RPGRIP1L: variants seen among roughly 807,000 people sequenced by gnomAD.
RPGRIP1L encodes protein fantom.
In RPGRIP1L, 131 loss-of-function variants were observed where a neutral mutation model predicts 160.4. The observed-to-expected ratio is 0.82, with a 90% confidence interval of 0.71 to 0.94. The LOEUF (loss-of-function observed/expected upper bound fraction) is 0.94, where lower values mean the gene tolerates loss of function less well. Ranked by LOEUF, RPGRIP1L falls within the 40% of genes least tolerant of loss-of-function variation. RPGRIP1L has a pLI of 0.00. For synonymous variants in RPGRIP1L, 510 were observed against 515.8 expected, an observed-to-expected ratio of 0.99 and a Z score of 0.15; for missense variants, 1,522 against 1,535.8, an observed-to-expected ratio of 0.99 and a Z score of 0.15.
intron 2 of RPGRIP1L, among the ~76,000 whole-genome samples, chr16:53,700,082 C>T (rs2053744814): frequency 6.6e-6 from 1 of 152,176 alleles, no homozygotes; most frequent in Admixed American, 6.5e-5. Flanking sequence ...ATAAACACAG[C>T]TCTCTGTTCT....
chr16:53,677,107 T>C (rs1969243241), intron 6 of RPGRIP1L, among the ~76,000 whole-genome samples: 1 of 152,204 alleles, frequency 6.6e-6, no homozygotes, highest in Non-Finnish European at 1.5e-5. Flanking sequence ...TCAAAAACTT[T>C]CAGTGGTTTA....
At chr16:53,685,210 T>C (rs919689869) in intron 6 of RPGRIP1L, among the ~76,000 whole-genome samples, 1 of 151,930 alleles carries the variant, frequency 6.6e-6, no homozygotes, top group Non-Finnish European at 1.5e-5. Flanking sequence ...AAACAACAGA[T>C]GTTGGTAAGG....
At chr16:53,629,534 C>T (rs574096588) in intron 22 of RPGRIP1L, among the ~76,000 whole-genome samples, 2 of 152,318 alleles carry the variant, frequency 1.3e-5, no homozygotes, top group South Asian at 4.1e-4. Context: ...AGACTTCTAA[C>T]ATCTTTATAG....
At chr16:53,615,130 A>G (rs1482835233) in intron 24 of RPGRIP1L, among the ~76,000 whole-genome samples, 1 of 152,172 alleles carries the variant, frequency 6.6e-6, no homozygotes, top group Non-Finnish European at 1.5e-5. Context: ...CATCTTTTGA[A>G]TTAAACTTCA....
intron 22 of RPGRIP1L, among the ~76,000 whole-genome samples, chr16:53,629,604 C>A (rs912081177): frequency 6.6e-6 from 1 of 152,192 alleles, no homozygotes; most frequent in Admixed American, 6.5e-5. Context: ...CATTTTAGTA[C>A]AGAATTAGCT....
chr16:53,661,583 T>C (rs951374616), intron 10 of RPGRIP1L, among the ~76,000 whole-genome samples: 2 of 152,136 alleles, frequency 1.3e-5, no homozygotes, highest in Non-Finnish European at 2.9e-5. Context: ...CTCTGGCCAG[T>C]AAAACATTTT....
At chr16:53,701,339 TTG>T (rs761211348) in intron 1 of RPGRIP1L, among the ~76,000 whole-genome samples, 2 of 151,834 alleles carry the variant, frequency 1.3e-5, no homozygotes, top group South Asian at 2.1e-4. Flanking sequence ...CCAACTGGGT[TTG>T]TGTTTTTTTG....
chr16:53,605,445 TTG>T, intron 26 of RPGRIP1L, 34 bp downstream of exon 26: 1 of 1,613,094 alleles, frequency 6.2e-7, no homozygotes, highest in South Asian at 1.1e-5. Context: ...TCAGCAATTG[TTG>T]GTTGCACAAA....
In RPGRIP1L at chr16:53,664,578, T is replaced by TA. The variant is rs571645165; in HGVS notation, c.1243+291dup. ...CTAGCACTAACTGGTGCTCAATAAA[T>TA]ACTTCTCAACTGTTGAGTAAAGAAA... is the stretch of plus-strand genomic sequence containing the variant. On this transcript the variant is annotated intron_variant, in intron 10 of 26. Transcript: ENST00000647211. 3.0e-3 allele frequency among the ~76,000 whole-genome samples: 460 copies of TA among 152,160 alleles called. 4 individuals carry two copies. The highest frequency in any genetic ancestry group is 5.3e-3 in the Non-Finnish European group (360 of 68,020).
At chr16:53,618,339 CAATA>C (rs1332372369) in intron 24 of RPGRIP1L, among the ~76,000 whole-genome samples, 17 of 152,026 alleles carry the variant, frequency 1.1e-4, no homozygotes, top group Non-Finnish European at 2.1e-4. Flanking sequence ...GAAAGGTAGA[CAATA>C]AATAGAACAT....
chr16:53,661,534 A>G (rs1967800929), intron 10 of RPGRIP1L, among the ~76,000 whole-genome samples: 1 of 152,200 alleles, frequency 6.6e-6, no homozygotes, highest in Non-Finnish European at 1.5e-5. Flanking sequence ...AGTCCGAAGT[A>G]TGTAAAAACA....
In RPGRIP1L at chr16:53,636,199, G is replaced by A. The variant is rs112646926; in HGVS notation, c.3294+240C>T. Among the ~76,000 whole-genome samples, 27 of 152,192 alleles carry A rather than the reference G, an allele frequency of 1.8e-4. 2 individuals carry two copies. Among genetic ancestry groups the A allele is most frequent in the Admixed American group, 5.2e-4 (8 of 15,266 alleles). ...CTAGTTTCAGCAAGTAGCTATTGGAGGTACAGATTTAAGGTACTCTTTGTG... is the reference window on the plus strand; with the variant it reads ...CTAGTTTCAGCAAGTAGCTATTGGAAGTACAGATTTAAGGTACTCTTTGTG... On this transcript the variant is annotated intron_variant, in intron 22 of 26. Transcript: ENST00000647211.
intron 23 of RPGRIP1L, 97 bp from the exon 24 acceptor site, chr16:53,619,305 GA>G: frequency 9.3e-7 from 1 of 1,069,572 alleles, no homozygotes; most frequent in East Asian, 2.4e-5. Flanking sequence ...AATAAAACAC[GA>G]AGGCCAATGG....
At chr16:53,679,202 C>G (rs1242012444) in intron 6 of RPGRIP1L, among the ~76,000 whole-genome samples, 1 of 152,108 alleles carries the variant, frequency 6.6e-6, no homozygotes, top group Non-Finnish European at 1.5e-5. Flanking sequence ...CTTACTCTTA[C>G]CACCCACAGG....
chr16:53,668,466 C>G (rs1399278854), intron 9 of RPGRIP1L, among the ~76,000 whole-genome samples: 1 of 152,134 alleles, frequency 6.6e-6, no homozygotes, highest in Non-Finnish European at 1.5e-5. Context: ...AAATCACATT[C>G]AACAGATTTT....
At chr16:53,652,480 G>T in intron 15 of RPGRIP1L, 55 bp downstream of exon 15, 2 of 1,355,412 alleles carry the variant, frequency 1.5e-6, no homozygotes, top group South Asian at 1.2e-5. Flanking sequence ...GTACCATAAC[G>T]ATATATAAAC....
At chr16:53,698,032 G>A (rs1437902642) in intron 2 of RPGRIP1L, among the ~76,000 whole-genome samples, 7 of 151,978 alleles carry the variant, frequency 4.6e-5, no homozygotes, top group Non-Finnish European at 1.5e-5. Context: ...TGGGATGTGA[G>A]GAGTGCCTCT....
At chr16:53,703,054 A>T (rs1971600420) in intron 1 of RPGRIP1L, among the ~76,000 whole-genome samples, 1 of 152,174 alleles carries the variant, frequency 6.6e-6, no homozygotes, top group Admixed American at 6.5e-5. Flanking sequence ...GGCTGACTTC[A>T]GGCCAGGAGT....
rs1386379369 is a variant in RPGRIP1L at position 53,636,502 on chromosome 16, G to C, written c.3231C>G (p.Asp1077Glu). The C allele has an allele frequency of 2.5e-6, 4 of 1,609,136 alleles. No individual in the cohort carries two copies. In the Admixed American group the frequency reaches 6.7e-5, roughly 27 times the overall value. The change falls in exon 22 of 27, where the codon GAC becomes GAG. Residue 1077 changes from aspartate to glutamate, a missense_variant. Physicochemically the swap from Asp to Glu is conservative, Grantham distance 45. Coordinates refer to ENST00000647211, the MANE Select transcript of RPGRIP1L (RefSeq NM_015272.5). ...AGTCATCACTGTCAGAAGCTGACAT[G>C]TCCTCTTCAACTGTTTAAAAAATAA... is the stretch of plus-strand genomic sequence containing the variant. ...TEDLEPEVEEDMSASDSDDCI... is the reference protein window; with the variant it reads ...TEDLEPEVEEEMSASDSDDCI...
Sources: gnomAD v4.1 joint callset for allele counts (sites outside exome capture counted in the v4.1 genomes callset) on GRCh38, gnomAD v4.1.1 for gene constraint, MANE v1.5 for transcripts, NCBI Gene and HGNC (gene_info 2026-07-23, HGNC 2026-07-21) for gene names.